Variants in CREG2 observed in about 807,000 individuals in gnomAD.
CREG2 encodes the protein cellular repressor of E1A stimulated genes 2.
CREG2 carries 24 observed loss-of-function variants against 26.2 expected under a neutral mutation model. The observed-to-expected ratio is 0.92, with a 90% CI of 0.66 to 1.29. CREG2 has a LOEUF of 1.29. Among genes scored for constraint, CREG2 ranks in the 50% most tolerant of loss-of-function variants. The pLI, the probability that CREG2 is intolerant of heterozygous loss-of-function variation, is 0.00. For missense variants in CREG2, 366 were observed against 398.6 expected (o/e 0.92, Z 0.70); for synonymous variants, 174 against 169.2 (o/e 1.03, Z -0.22).
intron 2 of CREG2, among the ~76,000 whole-genome samples, chr2:101,357,366 T>G (rs1412495849): frequency 6.6e-6 from 1 of 152,168 alleles, no homozygotes; most frequent in Non-Finnish European, 1.5e-5. Context: ...ACTAATCATG[T>G]CAGGGTGCCT....
In CREG2 at chr2:101,387,441, C is replaced by T; in HGVS notation, c.17G>A (p.Gly6Asp). The change falls in exon 1 of 4, where the codon GGC becomes GAC. Residue 6 changes from glycine (G) to aspartate (D), a missense_variant. Physicochemically the swap from Gly to Asp is moderately conservative, Grantham distance 94. Around this residue, in one of 3 missense-constraint regions of CREG2, gnomAD observed 177 missense variants for 183.3 expected, o/e 0.97. Coordinates refer to ENST00000324768, the MANE Select transcript of CREG2 (RefSeq NM_153836.4). This position sits in a 1 kb window ranked among gnomAD's most constrained non-coding sequence, Gnocchi z 4.7. MSVRR[G>D]RRPARPGTRL... is the part of the protein sequence containing the mutation. Reference sequence around the variant, plus strand: ...GGTCCCCGGCCGCGCCGGCCGCCGGCCGCGGCGCACGGACATCTTGCAGGC... The same window carrying T: ...GGTCCCCGGCCGCGCCGGCCGCCGGTCGCGGCGCACGGACATCTTGCAGGC... 11 of 1,231,086 alleles carry T rather than the reference C, an allele frequency of 8.9e-6. No individual in the cohort carries two copies. The highest frequency in any genetic ancestry group is 1.1e-5 in the Non-Finnish European group (11 of 977,266). The allele number at this position is 1,231,086 out of a possible 1,614,324, so 76.3% of individuals were successfully genotyped here.
intron 3 of CREG2, among the ~76,000 whole-genome samples, chr2:101,354,251 G>A (rs1189788827): frequency 2.6e-5 from 4 of 152,064 alleles, no homozygotes; most frequent in Non-Finnish European, 5.9e-5. Context: ...GAGTTTAAAA[G>A]CTAGCAATAA....
chr2:101,362,020 G>T (rs1684548368), intron 2 of CREG2, among the ~76,000 whole-genome samples: 1 of 152,102 alleles, frequency 6.6e-6, no homozygotes, highest in South Asian at 2.1e-4. Context: ...CCATCCCCAG[G>T]TCCCGAGAAC....
intron 2 of CREG2, among the ~76,000 whole-genome samples, chr2:101,358,284 G>A (rs920145743): frequency 6.6e-6 from 1 of 152,112 alleles, no homozygotes; most frequent in Non-Finnish European, 1.5e-5. Context: ...GAGCCACCGT[G>A]CCCAGCCCCA....
chr2:101,354,583 C>G (rs377057315), intron 3 of CREG2, among the ~76,000 whole-genome samples: 38 of 152,282 alleles, frequency 2.5e-4, no homozygotes, highest in East Asian at 2.1e-3. Flanking sequence ...CACCCCAGCT[C>G]CGAGCCTGCA....
At chr2:101,358,689 A>C (rs1372909370) in intron 2 of CREG2, among the ~76,000 whole-genome samples, 1 of 152,226 alleles carries the variant, frequency 6.6e-6, no homozygotes, top group East Asian at 1.9e-4. Context: ...AGCAACCTCA[A>C]TTCCTGCCTC....
chr2:101,387,498 G>A lies in CREG2; in HGVS notation c.-41C>T. 2.6e-6 allele frequency: 2 copies of A among 763,698 alleles called. No individual in the cohort carries two copies. The highest frequency in any genetic ancestry group is 3.5e-6 in the Non-Finnish European group (2 of 571,558). 47.3% of individuals were successfully genotyped at this position (763,698 alleles called of 1,614,324 possible). On this transcript the variant is annotated 5_prime_UTR_variant, in exon 1 of 4. Coordinates refer to ENST00000324768, the MANE Select transcript of CREG2 (RefSeq NM_153836.4). This position sits in a 1 kb window ranked among gnomAD's most constrained non-coding sequence, Gnocchi z 4.7. Reference sequence around the variant, plus strand: ...CCCGGCCGCCGGGGCCGCCAGCAGCGCTAGTGCCGGGGAGCCCGGCAGCGC... The same window carrying A: ...CCCGGCCGCCGGGGCCGCCAGCAGCACTAGTGCCGGGGAGCCCGGCAGCGC...
rs147270848 is a variant in CREG2 at position 101,384,765 on chromosome 2, G to T, written c.442-1063C>A. Among the ~76,000 whole-genome samples, 1,478 of 152,324 alleles carry T rather than the reference G, an allele frequency of 9.7e-3. 34 individuals are homozygous for T. The highest frequency in any genetic ancestry group is 0.033 in the African/African-American group (1,375 of 41,546). On this transcript the variant is annotated intron_variant, in intron 1 of 3. Coordinates refer to ENST00000324768, the MANE Select transcript of CREG2 (RefSeq NM_153836.4). Reference sequence around the variant, plus strand: ...AGTCCCAGTTACTCGAAAGACTGAGGCAGCAGGGTTGCTTGAGCCCAGGAG... The same window carrying T: ...AGTCCCAGTTACTCGAAAGACTGAGTCAGCAGGGTTGCTTGAGCCCAGGAG...
In CREG2 at chr2:101,355,370, C is replaced by T; in HGVS notation, c.612-4G>A. 1.9e-6 allele frequency: 3 copies of T among 1,597,080 alleles called. No homozygotes were observed. Among genetic ancestry groups the T allele is most frequent in the Non-Finnish European group, 2.6e-6 (3 of 1,164,920 alleles). On this transcript the variant is annotated splice_region_variant and splice_polypyrimidine_tract_variant and intron_variant, in intron 2 of 3. Transcript: ENST00000324768. ...TTCCGGATCAACGATGTTTTTTCTG[C>T]ATGTGAAAAACATTTTTTGTATATC...
chr2:101,345,685 C>A lies in CREG2; in HGVS notation c.*5238G>T, dbSNP rs992855777. 1 of 152,088 alleles carries A rather than the reference C, an allele frequency of 6.6e-6. No individual in the cohort carries two copies. Among genetic ancestry groups the A allele is most frequent in the African/African-American group, 2.4e-5 (1 of 41,398 alleles). The allele number at this position is 152,088 out of a possible 1,614,324, so 9.4% of individuals were successfully genotyped here. On this transcript the variant is annotated 3_prime_UTR_variant, in exon 4 of 4. Transcript: ENST00000324768. Reference sequence around the variant, plus strand: ...CATGGCACAAATAATCACATCATTACAATTCAAATTGTACAATAATTGACT... The same window carrying A: ...CATGGCACAAATAATCACATCATTAAAATTCAAATTGTACAATAATTGACT...
intron 2 of CREG2, among the ~76,000 whole-genome samples, chr2:101,358,723 G>T (rs1057161190): frequency 1.3e-5 from 2 of 152,196 alleles, no homozygotes; most frequent in Non-Finnish European, 2.9e-5. Context: ...ATTCAGCTGA[G>T]GGGGGCATAA....
intron 2 of CREG2, among the ~76,000 whole-genome samples, chr2:101,377,027 C>G (rs913806846): frequency 1.3e-5 from 2 of 152,014 alleles, no homozygotes; most frequent in African/African-American, 4.8e-5. Flanking sequence ...AAGATTAGGC[C>G]CCCCCTTGGA....
At chr2:101,359,141 G>A (rs1326542842) in intron 2 of CREG2, among the ~76,000 whole-genome samples, 1 of 150,956 alleles carries the variant, frequency 6.6e-6, no homozygotes, top group East Asian at 1.9e-4. Flanking sequence ...AGGAATGAAA[G>A]GAAGTAAAGT....
intron 3 of CREG2, among the ~76,000 whole-genome samples, chr2:101,353,614 G>A (rs1684413736): frequency 1.3e-5 from 2 of 152,130 alleles, no homozygotes; most frequent in Admixed American, 6.5e-5. Context: ...CCATTACTGG[G>A]CATATACCCA....
chr2:101,357,735 A>G (rs1035479549), intron 2 of CREG2, among the ~76,000 whole-genome samples: 1 of 151,856 alleles, frequency 6.6e-6, no homozygotes, highest in Non-Finnish European at 1.5e-5. Context: ...CCCTGTTTAG[A>G]AGTAAGAAAA....
Position 101,349,060 on chromosome 2 carries a change from G to A in CREG2, c.*1863C>T, listed in dbSNP as rs1318231047. The A allele has an allele frequency of 6.6e-6, 1 of 152,636 alleles. No individual in the cohort carries two copies. The highest frequency in any genetic ancestry group is 1.5e-5 in the Non-Finnish European group (1 of 68,046). The allele number at this position is 152,636 out of a possible 1,614,324, so 9.5% of individuals were successfully genotyped here. On this transcript the variant is annotated 3_prime_UTR_variant, in exon 4 of 4. Transcript: ENST00000324768. The stretch of plus-strand genomic sequence containing the variant: ...ACCTTTAATGAGCTAAATGGAACCT[G>A]ACTATAAACGCAAACCTAGCCAGGG...
At chr2:101,358,616 A>G (rs1432089156) in intron 2 of CREG2, among the ~76,000 whole-genome samples, 3 of 152,234 alleles carry the variant, frequency 2.0e-5, no homozygotes, top group African/African-American at 7.2e-5. Flanking sequence ...AGATAGAGCT[A>G]TAGGTGTCCA....
chr2:101,357,357 C>A (rs1359311846), intron 2 of CREG2, among the ~76,000 whole-genome samples: 1 of 152,172 alleles, frequency 6.6e-6, no homozygotes, highest in Non-Finnish European at 1.5e-5. Flanking sequence ...TCACCTCCTA[C>A]TAATCATGTC....
chr2:101,354,210 G>A (rs2104469531), intron 3 of CREG2, among the ~76,000 whole-genome samples: 1 of 152,230 alleles, frequency 6.6e-6, no homozygotes, highest in South Asian at 2.1e-4. Context: ...ATAATAACAT[G>A]TGAGAGGAGA....
Sources: allele counts gnomAD v4.1 joint callset (sites outside exome capture counted in the v4.1 genomes callset), GRCh38; gene constraint gnomAD v4.1.1; regional missense constraint gnomAD v4.1.1; non-coding constraint Gnocchi (gnomAD v3.1); transcripts MANE v1.5; gene names NCBI Gene and HGNC (gene_info 2026-07-23, HGNC 2026-07-21).